Variants in NAA25 observed in about 807,000 individuals in gnomAD.
The protein encoded by NAA25 is N-alpha-acetyltransferase 25, NatB auxiliary subunit.
NAA25 carries 30 observed loss-of-function variants against 132.5 expected under a neutral mutation model. The ratio of observed to expected loss-of-function variants is 0.23; its 90% CI spans 0.17 to 0.31. The LOEUF is 0.31. Among genes scored for constraint, NAA25 ranks in the 10% least tolerant of loss-of-function variants. NAA25 has a pLI of 1.00. For missense variants in NAA25, 771 were observed against 1,150.4 expected (o/e 0.67, Z 4.77); for synonymous variants, 359 against 401.9 (o/e 0.89, Z 1.28).
At chr12:112,103,924 C>A (rs145862038) in intron 1 of NAA25, among the ~76,000 whole-genome samples, 2 of 152,262 alleles carry the variant, frequency 1.3e-5, no homozygotes, top group African/African-American at 4.8e-5. Context: ...TGACAGGAGG[C>A]GGGGCTCAGG....
intron 13 of NAA25, among the ~76,000 whole-genome samples, chr12:112,057,213 A>C (rs1389717976): frequency 6.6e-6 from 1 of 151,974 alleles, no homozygotes; most frequent in African/African-American, 2.4e-5. Flanking sequence ...GATAAAATAA[A>C]ATAACATAAA....
intron 4 of NAA25, among the ~76,000 whole-genome samples, chr12:112,081,824 T>C (rs924215781): frequency 2.6e-5 from 4 of 152,214 alleles, no homozygotes; most frequent in African/African-American, 9.6e-5. Context: ...AAAAATTACA[T>C]GGAGGTCCTA....
At chr12:112,038,215 T>C (rs566905025) in intron 22 of NAA25, among the ~76,000 whole-genome samples, 1 of 152,260 alleles carries the variant, frequency 6.6e-6, no homozygotes, top group Non-Finnish European at 1.5e-5. Flanking sequence ...GGTTTCACCA[T>C]GTTGGTCAGG....
At chr12:112,076,036 C>T (rs2078891817) in intron 7 of NAA25, among the ~76,000 whole-genome samples, 1 of 152,146 alleles carries the variant, frequency 6.6e-6, no homozygotes, top group South Asian at 2.1e-4. Flanking sequence ...GCATCTGCCA[C>T]CACGCCTGGC....
At chr12:112,038,554 A>C (rs1262982049) in intron 22 of NAA25, among the ~76,000 whole-genome samples, 9 of 152,164 alleles carry the variant, frequency 5.9e-5, no homozygotes, top group African/African-American at 2.2e-4. Flanking sequence ...TTAATCTTTC[A>C]ATTTTTCTGT....
chr12:112,069,602 C>T (rs1223474605), intron 10 of NAA25, among the ~76,000 whole-genome samples: 1 of 151,304 alleles, frequency 6.6e-6, no homozygotes, highest in East Asian at 1.9e-4. Flanking sequence ...AGGAGGATCA[C>T]CTGAGGTCAA....
chr12:112,103,030 A>C (rs2079316717), intron 1 of NAA25, among the ~76,000 whole-genome samples: 1 of 151,762 alleles, frequency 6.6e-6, no homozygotes, highest in Non-Finnish European at 1.5e-5. Flanking sequence ...TCTGTCCCCC[A>C]GGCTGGAGTA....
chr12:112,106,955 CAAAAAAAAAAAAA>C (rs11286456), intron 1 of NAA25, among the ~76,000 whole-genome samples: 1 of 25,828 alleles, frequency 3.9e-5, no homozygotes, highest in Non-Finnish European at 8.4e-5. Flanking sequence ...AGACTGTCTC[CAAAAAAAAAAAAA>C]AAAAAAAAAA....
intron 1 of NAA25, 89 bp downstream of exon 1, chr12:112,108,627 G>T (rs2079401940): frequency 2.5e-6 from 3 of 1,220,896 alleles, no homozygotes; most frequent in Non-Finnish European, 3.1e-6. Flanking sequence ...CCCGCGCGCC[G>T]GCCCTCAGCA....
At chr12:112,098,810 T>G (rs1045524793) in intron 1 of NAA25, among the ~76,000 whole-genome samples, 1 of 152,058 alleles carries the variant, frequency 6.6e-6, no homozygotes. Context: ...CAGGCTAGAG[T>G]GCAGTTGCGC....
intron 16 of NAA25, among the ~76,000 whole-genome samples, chr12:112,048,027 A>T (rs903828286): frequency 6.6e-6 from 1 of 152,184 alleles, no homozygotes. Flanking sequence ...CTTGATTTGT[A>T]GGGGAGGCGG....
At chr12:112,060,778 A>G (rs1257019238) in intron 12 of NAA25, among the ~76,000 whole-genome samples, 1 of 152,236 alleles carries the variant, frequency 6.6e-6, no homozygotes, top group Non-Finnish European at 1.5e-5. Flanking sequence ...ATATCTAGCA[A>G]AGGCCACACC....
intron 4 of NAA25, among the ~76,000 whole-genome samples, chr12:112,086,073 T>TATATATATATACACACACAC (rs759148501): frequency 1.4e-3 from 77 of 53,960 alleles, no homozygotes; most frequent in African/African-American, 6.4e-3. Context: ...TATATATATA[T>TATATATATATACACACACAC]ACACACACAC....
intron 23 of NAA25, among the ~76,000 whole-genome samples, chr12:112,030,323 C>A (rs916948914): frequency 1.3e-5 from 2 of 150,302 alleles, no homozygotes; most frequent in African/African-American, 2.4e-5. Flanking sequence ...AAAATCCCTA[C>A]TATTTTGTTA....
chr12:112,074,757 C>T lies in NAA25; in HGVS notation c.784G>A (p.Asp262Asn). Residue 262 changes from aspartate to asparagine, a missense_variant, in exon 9 of 24, where the codon GAC becomes AAC. Physicochemically the swap from Asp to Asn is conservative, Grantham distance 23. Transcript: ENST00000261745. The stretch of plus-strand genomic sequence containing the variant: ...AAATAAGTCAGATAGAACTGCCAGT[C>T]ATCTGAGCTAAAATCAGATTGAATG... The part of the protein sequence containing the change: ...SRRLLLKNSD[D>N]WQFYLTYFDS... 1 of 1,609,308 alleles carries T rather than the reference C, an allele frequency of 6.2e-7. No individual in the cohort carries two copies. Among genetic ancestry groups the T allele is most frequent in the South Asian group, 1.1e-5 (1 of 90,202 alleles).
chr12:112,033,465 G>C, intron 22 of NAA25, 86 bp from the exon 23 acceptor site: 1 of 1,267,324 alleles, frequency 7.9e-7, no homozygotes, highest in Non-Finnish European at 1.1e-6. Context: ...AGATGTGAGG[G>C]AATTTAAATA....
rs1024835005 is a variant in NAA25, at chr12:112,048,318, C to T, written c.1854G>A (p.Leu618=). ...HFAQVRTERM[L]LDLLLEANIS... ...TATTTGCTTCAAGTAGAAGGTCTAA[C>T]AGCATCCGTTCAGTACGGACTTGTG... Residue 618 remains leucine (L), a synonymous_variant, in exon 16 of 24, where the codon CTG becomes CTA. Transcript: ENST00000261745. 1.9e-6 allele frequency: 3 copies of T among 1,613,700 alleles called. No individual in the cohort carries two copies. The highest frequency in any genetic ancestry group is 2.5e-6 in the Non-Finnish European group (3 of 1,179,834).
intron 3 of NAA25, among the ~76,000 whole-genome samples, chr12:112,088,236 C>T (rs1012126396): frequency 1.3e-5 from 2 of 151,906 alleles, no homozygotes; most frequent in African/African-American, 2.4e-5. Flanking sequence ...TTTCTCTGAA[C>T]ACCATCTCTG....
At chr12:112,045,392 CAGG>C (rs1488480042) in intron 17 of NAA25, among the ~76,000 whole-genome samples, 1 of 150,040 alleles carries the variant, frequency 6.7e-6, no homozygotes, top group Non-Finnish European at 1.5e-5. Context: ...GAGGCTAAGG[CAGG>C]AGAATTGCTT....
Sources: allele counts gnomAD v4.1 joint callset (sites outside exome capture counted in the v4.1 genomes callset), GRCh38; gene constraint gnomAD v4.1.1; transcripts MANE v1.5; gene names NCBI Gene and HGNC (gene_info 2026-07-23, HGNC 2026-07-21).